Variants in POLR1C observed in about 807,000 individuals in gnomAD.
The protein encoded by POLR1C is DNA-directed RNA polymerases I and III subunit RPAC1.
Under a neutral mutation model 38.3 loss-of-function variants are expected in POLR1C, and 42 were observed. That is an observed-to-expected ratio of 1.10 (90% CI 0.86 to 1.42). The LOEUF (loss-of-function observed/expected upper bound fraction) is 1.42, where lower values mean the gene tolerates loss of function less well. Ranked by LOEUF, POLR1C falls within the 40% of genes most tolerant of loss-of-function variation. The probability of loss-of-function intolerance (pLI) is 0.00; values close to 1 mark genes in which losing one functional copy is unlikely to be tolerated. For missense variants in POLR1C, 507 were observed against 450.5 expected (o/e 1.13, Z -1.14); for synonymous variants, 163 against 163.9 (o/e 0.99, Z 0.04).
chr6:43,536,739 G>A (rs376126985), intron 9 of POLR1C, among the ~76,000 whole-genome samples: 4 of 108,248 alleles, frequency 3.7e-5, no homozygotes, highest in African/African-American at 1.5e-4. Context: ...CAGCCTGGAC[G>A]ACAGAGTGAG....
At chr6:43,555,773 CCTATATATAGTTTTGATACTGT>C in intron 10 of POLR1C, 1 of 1,598,594 alleles carries the variant, frequency 6.3e-7, no homozygotes, top group South Asian at 1.1e-5. Context: ...AGGCTCATTT[CCTATATATAGTTTTGATACTGT>C]CCTAACATTT....
downstream of POLR1C, chr6:43,530,875 A>C: frequency 6.3e-7 from 1 of 1,584,686 alleles, no homozygotes; most frequent in Non-Finnish European, 8.6e-7. Flanking sequence ...AACATCTGTT[A>C]CTGCCAGCCC....
At chr6:43,545,728 A>C (rs951855859) in intron 9 of POLR1C, among the ~76,000 whole-genome samples, 3 of 152,110 alleles carry the variant, frequency 2.0e-5, no homozygotes, top group Admixed American at 6.6e-5. Context: ...ACAAACAAAA[A>C]AAAAACCAAT....
rs1793649836 is a variant in POLR1C at position 43,527,170 on chromosome 6, T to C, written c.923-2079T>C. The C allele has an allele frequency of 1.9e-5, 4 of 211,752 alleles. No individual in the cohort carries two copies. In the South Asian group the frequency reaches 3.4e-4, roughly 18 times the overall value. The allele number at this position is 211,752 out of a possible 1,614,324, so 13.1% of individuals were successfully genotyped here. ...TCCAAATTCCTTCTGCTATTTTTGT[T>C]TCCCCATATTCAGCTTGCAATTCAT... On this transcript the variant is annotated intron_variant, in intron 8 of 8. Transcript: ENST00000304004.
At chr6:43,529,553 CAAAA>C (rs1186641934) in exon 9 of POLR1C, 18 of 101,774 alleles carry the variant, frequency 1.8e-4, no homozygotes, top group South Asian at 1.3e-3. Context: ...GACTCCGTCT[CAAAA>C]AAAAAAAAAA....
At position 43,550,971 on chromosome 6, in the gene POLR1C, G is replaced by A. The variant is rs958057559; in HGVS notation, c.*8G>A. On this transcript the variant is annotated 3_prime_UTR_variant, in exon 10 of 11. Coordinates refer to the POLR1C transcript ENST00000607635. The stretch of plus-strand genomic sequence containing the variant: ...GTTTTTGTGCCTTTCTTCCCAGAGT[G>A]TTCCTAAAGAGTGAGGCACTAGCAT... 2.4e-4 allele frequency: 43 copies of A among 179,448 alleles called. No individual in the cohort carries two copies. In the Middle Eastern group the frequency reaches 7.3e-3, roughly 31 times the overall value. The allele number at this position is 179,448 out of a possible 1,614,324, so 11.1% of individuals were successfully genotyped here. A position where few individuals can be genotyped will look rare whatever the true frequency, so the allele number is the denominator to read the frequency against.
chr6:43,539,481 T>C, intron 9 of POLR1C: 2 of 1,574,200 alleles, frequency 1.3e-6, no homozygotes, highest in Middle Eastern at 1.9e-4. Context: ...AGGGACTTGA[T>C]CTTCATGTCC....
chr6:43,527,743 C>A, intron 8 of POLR1C: 1 of 1,613,794 alleles, frequency 6.2e-7, no homozygotes, highest in Non-Finnish European at 8.5e-7. Context: ...TGCAGAAAAC[C>A]AGGGGGCCAA....
intron 9 of POLR1C, chr6:43,539,653 A>G: frequency 8.5e-7 from 1 of 1,180,014 alleles, no homozygotes; most frequent in South Asian, 1.3e-5. Flanking sequence ...TCCCCATCCC[A>G]GGGCCACCAG....
At chr6:43,522,850 A>T (rs1156948425), downstream of POLR1C, 1 of 273,362 alleles carries the variant, frequency 3.7e-6, no homozygotes, top group Non-Finnish European at 8.5e-6. Flanking sequence ...TCCTCTCTTT[A>T]CAGGGCCTTT....
chr6:43,545,369 G>A (rs533589800), intron 9 of POLR1C, among the ~76,000 whole-genome samples: 1 of 152,154 alleles, frequency 6.6e-6, no homozygotes, highest in South Asian at 2.1e-4. Flanking sequence ...CTTGGAGAAG[G>A]GGCCAAAAAG....
At chr6:43,544,594 G>A (rs891439928) in intron 9 of POLR1C, among the ~76,000 whole-genome samples, 3 of 152,172 alleles carry the variant, frequency 2.0e-5, no homozygotes, top group South Asian at 2.1e-4. Context: ...TCACTTTCAC[G>A]TTTCTCTAGC....
intron 10 of POLR1C, chr6:43,560,341 G>T (rs1393022596): frequency 1.7e-5 from 26 of 1,562,198 alleles, no homozygotes; most frequent in East Asian, 2.3e-5. Flanking sequence ...AAAGGATTTG[G>T]ATTCTATATA....
chr6:43,525,886 C>CT, downstream of POLR1C: 1 of 1,614,056 alleles, frequency 6.2e-7, no homozygotes, highest in Non-Finnish European at 8.5e-7. Flanking sequence ...TCTGCCATAG[C>CT]TGAGGGGGTG....
chr6:43,547,036 A>G (rs1794998446), intron 9 of POLR1C, among the ~76,000 whole-genome samples: 1 of 152,190 alleles, frequency 6.6e-6, no homozygotes, highest in South Asian at 2.1e-4. Flanking sequence ...CCTGATGAGA[A>G]GGTGGCTTAG....
intron 8 of POLR1C, chr6:43,527,836 G>T: frequency 8.0e-7 from 1 of 1,247,054 alleles, no homozygotes; most frequent in Non-Finnish European, 1.1e-6. Context: ...TTCTCCTTTG[G>T]GTCTTCGTTT....
downstream of POLR1C, chr6:43,524,814 A>G (rs755974210): frequency 1.7e-5 from 27 of 1,609,874 alleles, no homozygotes; most frequent in South Asian, 1.4e-4. Flanking sequence ...TCCTTCCCCC[A>G]TGCCTTCCCC....
Position 43,551,812 on chromosome 6 carries a change from C to T in POLR1C, c.*48+801C>T, listed in dbSNP as rs945616299. ...TCCCAAGTAGGTGGGACTACTGGCA[C>T]GCACCACCATGCCTGGCTAATTTTT... On this transcript the variant is annotated intron_variant, in intron 10 of 10. Transcript: ENST00000607635. 3.3e-5 allele frequency among the ~76,000 whole-genome samples: 5 copies of T among 151,830 alleles called. 1 individual carries two copies. Among genetic ancestry groups the T allele is most frequent in the Admixed American group, 6.6e-5 (1 of 15,256 alleles).
chr6:43,551,270 A>G, intron 10 of POLR1C: 1 of 1,535,304 alleles, frequency 6.5e-7, no homozygotes, highest in Non-Finnish European at 8.7e-7. Flanking sequence ...TGTCAAAATA[A>G]AATTTACAAA....
Sources: gnomAD v4.1 joint callset for allele counts (sites outside exome capture counted in the v4.1 genomes callset) on GRCh38, gnomAD v4.1.1 for gene constraint, MANE v1.5 for transcripts, NCBI Gene and HGNC (gene_info 2026-07-23, HGNC 2026-07-21) for gene names.